The following UBE2E2 variants were observed in gnomAD, a reference collection of about 807,000 sequenced individuals.
UBE2E2 encodes the protein ubiquitin-conjugating enzyme E2 E2.
A neutral mutation model predicts 24.7 loss-of-function variants in UBE2E2; 6 were observed. The observed-to-expected ratio is 0.24, with a 90% CI of 0.13 to 0.48. The LOEUF is 0.48. UBE2E2 is among the 20% of genes least tolerant of loss of function. The pLI is 0.99. For synonymous variants in UBE2E2, 104 were observed against 83.6 expected (o/e 1.24, Z -1.33); for missense variants, 169 against 245.0 (o/e 0.69, Z 2.07).
At chr3:23,362,299 C>T (rs1696138639) in intron 3 of UBE2E2, among the ~76,000 whole-genome samples, 1 of 152,146 alleles carries the variant, frequency 6.6e-6, no homozygotes, top group African/African-American at 2.4e-5. Context: ...TGAGTGTGAG[C>T]TTCCTGGGGG....
intron 3 of UBE2E2, among the ~76,000 whole-genome samples, chr3:23,439,975 T>TA (rs34334389): frequency 0.074 from 10,433 of 141,256 alleles, 466 homozygotes; most frequent in Non-Finnish European, 0.092. Flanking sequence ...TTTTTTATAT[T>TA]AAAAAAAAAA....
At chr3:23,287,048 A>G (rs1397004323) in intron 3 of UBE2E2, among the ~76,000 whole-genome samples, 2 of 152,150 alleles carry the variant, frequency 1.3e-5, no homozygotes, top group Non-Finnish European at 2.9e-5. Flanking sequence ...CCCATTCAGT[A>G]TGATACTAAC....
intron 3 of UBE2E2, chr3:23,271,026 T>C (rs958047010): frequency 2.2e-6 from 1 of 456,602 alleles, no homozygotes; most frequent in African/African-American, 2.0e-5. Flanking sequence ...ATCTTACTTC[T>C]ATTCATTTCT....
intron 3 of UBE2E2, among the ~76,000 whole-genome samples, chr3:23,244,514 T>C (rs1697337309): frequency 6.6e-6 from 1 of 152,162 alleles, no homozygotes; most frequent in Non-Finnish European, 1.5e-5. Flanking sequence ...AGCAACATAA[T>C]TAACTATACA....
chr3:23,559,080 A>G (rs1475828291), intron 5 of UBE2E2, among the ~76,000 whole-genome samples: 1 of 152,190 alleles, frequency 6.6e-6, no homozygotes, highest in African/African-American at 2.4e-5. Flanking sequence ...TACAGGCTGA[A>G]TATATTAGAA....
chr3:23,313,820 T>C (rs1209281458), intron 3 of UBE2E2, among the ~76,000 whole-genome samples: 1 of 152,148 alleles, frequency 6.6e-6, no homozygotes, highest in Admixed American at 6.5e-5. Flanking sequence ...TGTTTTGTGG[T>C]CTTCTCTTCC....
At chr3:23,440,916 G>A (rs973173411) in intron 3 of UBE2E2, among the ~76,000 whole-genome samples, 8 of 152,024 alleles carry the variant, frequency 5.3e-5, no homozygotes, top group African/African-American at 1.9e-4. Flanking sequence ...TAAGAGACTC[G>A]CTTATTGTGA....
intron 3 of UBE2E2, among the ~76,000 whole-genome samples, chr3:23,365,268 G>A (rs145614095): frequency 1.2e-4 from 18 of 152,104 alleles, no homozygotes; most frequent in African/African-American, 2.9e-4. Context: ...CTAGAAGTCC[G>A]AGCCAGAGCA....
At chr3:23,339,542 A>C (rs1395031366) in intron 3 of UBE2E2, among the ~76,000 whole-genome samples, 1 of 152,152 alleles carries the variant, frequency 6.6e-6, no homozygotes, top group African/African-American at 2.4e-5. Context: ...AAATTATTTC[A>C]AGATTAAGAA....
At position 23,354,042 on chromosome 3, in the gene UBE2E2, T is replaced by G. The variant is rs559035821; in HGVS notation, c.227+136730T>G. Among the ~76,000 whole-genome samples, 31 of 152,252 alleles carry G rather than the reference T, an allele frequency of 2.0e-4. No homozygotes were observed. In the South Asian group the frequency reaches 5.8e-3, roughly 28 times the overall value. On this transcript the variant is annotated intron_variant, in intron 3 of 5. Coordinates refer to ENST00000396703, the MANE Select transcript of UBE2E2 (RefSeq NM_152653.4). ...TGGTACTGGTACCAAAACAGAGATATAGATCAGCGGAACAGAACAGAGCCC... is the reference window on the plus strand; with the variant it reads ...TGGTACTGGTACCAAAACAGAGATAGAGATCAGCGGAACAGAACAGAGCCC...
At chr3:23,430,253 T>A (rs975281082) in intron 3 of UBE2E2, among the ~76,000 whole-genome samples, 1 of 152,156 alleles carries the variant, frequency 6.6e-6, no homozygotes, top group Non-Finnish European at 1.5e-5. Context: ...ACATAAATGG[T>A]CATATGATTT....
intron 5 of UBE2E2, among the ~76,000 whole-genome samples, chr3:23,588,157 G>A (rs191918586): frequency 3.9e-5 from 6 of 152,284 alleles, no homozygotes; most frequent in Admixed American, 6.5e-5. Context: ...GGCCACAGAC[G>A]TAGTTCCATA....
intron 4 of UBE2E2, among the ~76,000 whole-genome samples, chr3:23,510,015 G>A (rs1694554315): frequency 6.6e-6 from 1 of 152,074 alleles, no homozygotes; most frequent in South Asian, 2.1e-4. Flanking sequence ...CTTTGCTATT[G>A]TGAATAGTGC....
chr3:23,546,631 G>T lies in UBE2E2; in HGVS notation c.508+13930G>T, dbSNP rs551637411. On this transcript the variant is annotated intron_variant, in intron 5 of 5. Coordinates refer to ENST00000396703, the MANE Select transcript of UBE2E2 (RefSeq NM_152653.4). ...TGAAATTACAGGCATGCACCACCAC[G>T]CCTGGCTAATTTTGTATTTTTAGTA... 2.6e-5 allele frequency among the ~76,000 whole-genome samples: 4 copies of T among 151,312 alleles called. No individual in the cohort carries two copies. In the South Asian group the frequency reaches 8.4e-4, roughly 32 times the overall value.
At chr3:23,332,669 AGTGGG>A (rs1225896770) in intron 3 of UBE2E2, among the ~76,000 whole-genome samples, 2 of 88,836 alleles carry the variant, frequency 2.3e-5, no homozygotes, top group African/African-American at 7.6e-5. Flanking sequence ...CCTGGCAGCC[AGTGGG>A]GTGTGTGTGT....
At chr3:23,316,750 C>G (rs2125284113) in intron 3 of UBE2E2, among the ~76,000 whole-genome samples, 1 of 152,102 alleles carries the variant, frequency 6.6e-6, no homozygotes, top group South Asian at 2.1e-4. Flanking sequence ...GCTCAAGGCC[C>G]ACGGCATGTA....
intron 5 of UBE2E2, among the ~76,000 whole-genome samples, chr3:23,585,243 G>T (rs1696593030): frequency 6.6e-6 from 1 of 151,782 alleles, no homozygotes; most frequent in South Asian, 2.1e-4. Context: ...ATGCTACTGT[G>T]TGCCTGTAGT....
At chr3:23,401,616 A>G (rs1697224681) in intron 3 of UBE2E2, among the ~76,000 whole-genome samples, 1 of 152,062 alleles carries the variant, frequency 6.6e-6, no homozygotes, top group Admixed American at 6.6e-5. Flanking sequence ...TCTTCCCTTA[A>G]TTAATATCTT....
chr3:23,397,642 T>A (rs1213720849), intron 3 of UBE2E2, among the ~76,000 whole-genome samples: 1 of 152,234 alleles, frequency 6.6e-6, no homozygotes, highest in Non-Finnish European at 1.5e-5. Flanking sequence ...CGTCTACATT[T>A]TGGTGTCTGG....
Sources: allele counts gnomAD v4.1 joint callset (sites outside exome capture counted in the v4.1 genomes callset), GRCh38; gene constraint gnomAD v4.1.1; transcripts MANE v1.5; gene names NCBI Gene and HGNC (gene_info 2026-07-23, HGNC 2026-07-21).